The following RAI1 variants were observed in gnomAD, a reference collection of about 807,000 sequenced individuals.
The protein encoded by RAI1 is retinoic acid-induced protein 1.
In RAI1, 9 loss-of-function variants were observed where a neutral mutation model predicts 123.8. The observed-to-expected ratio is 0.07, with a 90% confidence interval of 0.04 to 0.13. The LOEUF (loss-of-function observed/expected upper bound fraction) is 0.13. Ranked by LOEUF, RAI1 falls within the 10% of genes least tolerant of loss-of-function variation. The pLI, the probability that RAI1 is intolerant of heterozygous loss-of-function variation, is 1.00. For synonymous variants in RAI1, 1,231 were observed against 1,127.3 expected, an observed-to-expected ratio of 1.09 and a Z score of -1.84; for missense variants, 2,256 against 2,545.8, an observed-to-expected ratio of 0.89 and a Z score of 2.45.
At position 17,796,678 on chromosome 17, in the gene RAI1, C is replaced by CGCAGCA. The variant is rs760919336; in HGVS notation, c.3743_3748dup (p.Ser1248_Ser1249dup). The CGCAGCA allele has an allele frequency of 1.9e-6, 3 of 1,612,064 alleles. No individual in the cohort carries two copies. Among genetic ancestry groups the CGCAGCA allele is most frequent in the East Asian group, 2.2e-5 (1 of 44,858 alleles). On this transcript the variant is annotated inframe_insertion, in exon 3 of 6. Transcript: ENST00000353383. The surrounding 1 kb of genome is among the most constrained non-coding windows in gnomAD (Gnocchi z 5.8). ...GAAGCGGAACCTGGTCTTGCGGAGC[C>CGCAGCA]GCAGCAGCAGCAGCAGCAACGCCAG... is the stretch of plus-strand genomic sequence containing the variant.
At chr17:17,785,024 T>C (rs2031774948) in intron 2 of RAI1, among the ~76,000 whole-genome samples, 1 of 152,142 alleles carries the variant, frequency 6.6e-6, no homozygotes, top group South Asian at 2.1e-4. Context: ...GGCCCCTGGG[T>C]GTCACTACAT....
intron 2 of RAI1, among the ~76,000 whole-genome samples, chr17:17,740,427 C>T (rs1217623832): frequency 6.6e-6 from 1 of 152,224 alleles, no homozygotes. Context: ...CCCATCTCTT[C>T]TTTGCTCCCC....
chr17:17,688,873 C>T (rs190536430), intron 1 of RAI1, among the ~76,000 whole-genome samples: 22 of 150,912 alleles, frequency 1.5e-4, no homozygotes, highest in African/African-American at 4.9e-4. Context: ...GCTGGGATTA[C>T]AGGCGTGAGT....
In RAI1 at chr17:17,795,336, G is replaced by A. The variant is rs1342978214; in HGVS notation, c.2388G>A (p.Glu796=). The stretch of plus-strand genomic sequence containing the variant: ...CGGCCTGCCTGGGCTTCCAGGAGGA[G>A]GACCCCCCTGGGGAGAAGGTGGCCT... ...EASACLGFQE[E]DPPGEKVASL... The change falls in exon 3 of 6, where the codon GAG becomes GAA. Residue 796 remains glutamate, a synonymous_variant. Coordinates refer to ENST00000353383, the MANE Select transcript of RAI1 (RefSeq NM_030665.4). The surrounding 1 kb of genome is among the most constrained non-coding windows in gnomAD (Gnocchi z 5.9). The A allele has an allele frequency of 1.2e-6, 2 of 1,602,652 alleles. No individual in the cohort carries two copies. Among genetic ancestry groups the A allele is most frequent in the African/African-American group, 2.7e-5 (2 of 74,530 alleles).
chr17:17,684,093 G>C (rs953329597), intron 1 of RAI1: 1 of 150,900 alleles, frequency 6.6e-6, no homozygotes. Flanking sequence ...GGCTGGTCTT[G>C]AAGTCCTGGG....
intron 2 of RAI1, among the ~76,000 whole-genome samples, chr17:17,757,291 T>C (rs2142991305): frequency 6.6e-6 from 1 of 152,294 alleles, no homozygotes; most frequent in South Asian, 2.1e-4. Context: ...TTCCTGAGCC[T>C]GGACTGAGAG....
chr17:17,741,893 G>A (rs764142215), intron 2 of RAI1, among the ~76,000 whole-genome samples: 2 of 152,264 alleles, frequency 1.3e-5, no homozygotes, highest in Non-Finnish European at 2.9e-5. Flanking sequence ...CTGGGTGAGG[G>A]AGATGACGAT....
At chr17:17,718,834 A>G (rs1693566474) in intron 1 of RAI1, among the ~76,000 whole-genome samples, 2 of 152,262 alleles carry the variant, frequency 1.3e-5, no homozygotes, top group South Asian at 4.1e-4. Context: ...GCAGTTTTCT[A>G]AGCTACCACA....
intron 2 of RAI1, among the ~76,000 whole-genome samples, chr17:17,790,539 G>A (rs1057194938): frequency 6.6e-6 from 1 of 152,036 alleles, no homozygotes; most frequent in African/African-American, 2.4e-5. Context: ...AGGCAGGGAG[G>A]GGGTACTGGT....
chr17:17,807,791 G>A (rs2032623647), intron 4 of RAI1, among the ~76,000 whole-genome samples: 1 of 152,224 alleles, frequency 6.6e-6, no homozygotes, highest in Non-Finnish European at 1.5e-5. Context: ...TAGTGTCTTT[G>A]GAATATCTAG....
intron 2 of RAI1, among the ~76,000 whole-genome samples, chr17:17,747,390 G>A (rs2029966753): frequency 6.6e-6 from 1 of 152,194 alleles, no homozygotes. Context: ...AAGATGGGGT[G>A]GGCCAGTCCC....
chr17:17,792,588 C>A (rs866415754), intron 2 of RAI1, among the ~76,000 whole-genome samples: 2 of 6,188 alleles, frequency 3.2e-4, no homozygotes, highest in Admixed American at 1.7e-3. Flanking sequence ...GGGGGGGGGG[C>A]GGGTAGCTCC....
chr17:17,691,112 A>G (rs1344103054), intron 1 of RAI1, among the ~76,000 whole-genome samples: 1 of 152,222 alleles, frequency 6.6e-6, no homozygotes, highest in Non-Finnish European at 1.5e-5. Context: ...CACTCATTCA[A>G]GGGGGCTCTG....
intron 2 of RAI1, among the ~76,000 whole-genome samples, chr17:17,780,343 G>A (rs2031525886): frequency 6.6e-6 from 1 of 152,164 alleles, no homozygotes; most frequent in African/African-American, 2.4e-5. Flanking sequence ...TAGGATTACA[G>A]GCGTGAGGCA....
chr17:17,781,374 G>C (rs1224229562), intron 2 of RAI1, among the ~76,000 whole-genome samples: 1 of 152,244 alleles, frequency 6.6e-6, no homozygotes, highest in Non-Finnish European at 1.5e-5. Flanking sequence ...GAGAGATCCA[G>C]TCAAAGCCCC....
rs376809177 is a variant in RAI1, at chr17:17,796,832, C to G, written c.3884C>G (p.Pro1295Arg). 6.8e-6 allele frequency: 11 copies of G among 1,611,430 alleles called. No individual in the cohort carries two copies. The highest frequency in any genetic ancestry group is 9.3e-6 in the Non-Finnish European group (11 of 1,178,740). ...GAGCCTGCCACAAAGCTCCCACCCCCGGAGACCCCCGATGCCTGCCTCAAG... is the reference window on the plus strand; with the variant it reads ...GAGCCTGCCACAAAGCTCCCACCCCGGGAGACCCCCGATGCCTGCCTCAAG... ...NGEPATKLPP[P>R]ETPDACLKLA... The change falls in exon 3 of 6, where the codon CCG (proline) becomes CGG (arginine). Residue 1295 changes from proline (P) to arginine (R), a missense_variant. Around this residue, in one of 7 missense-constraint regions of RAI1, gnomAD observed 322 missense variants for 358.0 expected, o/e 0.90. Transcript: ENST00000353383. This position sits in a 1 kb window ranked among gnomAD's most constrained non-coding sequence, Gnocchi z 5.8.
At chr17:17,804,773 C>T (rs2032563349) in intron 4 of RAI1, among the ~76,000 whole-genome samples, 1 of 152,222 alleles carries the variant, frequency 6.6e-6, no homozygotes, top group African/African-American at 2.4e-5. Context: ...ATCCTCCCAC[C>T]TCAGCCTCCT....
chr17:17,742,108 G>C (rs1916654919), intron 2 of RAI1, among the ~76,000 whole-genome samples: 1 of 152,240 alleles, frequency 6.6e-6, no homozygotes, highest in Non-Finnish European at 1.5e-5. Flanking sequence ...GTGCCTGCCG[G>C]CTCTGGGGTG....
intron 2 of RAI1, among the ~76,000 whole-genome samples, chr17:17,740,312 C>T (rs574187679): frequency 1.3e-5 from 2 of 152,318 alleles, no homozygotes; most frequent in African/African-American, 4.8e-5. Context: ...CTCTGTCATC[C>T]AGAGAACCCT....
Sources: gnomAD v4.1 joint callset for allele counts (sites outside exome capture counted in the v4.1 genomes callset) on GRCh38, gnomAD v4.1.1 for gene constraint, gnomAD v4.1.1 regional missense constraint, Gnocchi (gnomAD v3.1) non-coding constraint, MANE v1.5 for transcripts, NCBI Gene and HGNC (gene_info 2026-07-23, HGNC 2026-07-21) for gene names.